Variants in BICD1 observed in about 807,000 individuals in gnomAD.
BICD1 encodes the protein protein bicaudal D homolog 1.
BICD1 carries 35 observed loss-of-function variants against 92.5 expected under a neutral mutation model. The ratio of observed to expected loss-of-function variants is 0.38; its 90% CI spans 0.29 to 0.50. The LOEUF is 0.50. Ranked by LOEUF, BICD1 falls within the 20% of genes least tolerant of loss-of-function variation. BICD1 has a pLI of 0.93. For synonymous variants in BICD1, 429 were observed against 465.1 expected (o/e 0.92, Z 1.00); for missense variants, 950 against 1,189.8 (o/e 0.80, Z 2.97).
chr12:32,325,097 T>C (rs1349431065), intron 4 of BICD1, among the ~76,000 whole-genome samples: 1 of 151,952 alleles, frequency 6.6e-6, no homozygotes, highest in African/African-American at 2.4e-5. Context: ...CCTCAGCCCC[T>C]GGAGTAGCTA....
chr12:32,117,509 T>C (rs1234019951), intron 1 of BICD1, among the ~76,000 whole-genome samples: 1 of 151,992 alleles, frequency 6.6e-6, no homozygotes, highest in Non-Finnish European at 1.5e-5. Context: ...ATGGGTAATA[T>C]AAAGCTTTAA....
intron 4 of BICD1, among the ~76,000 whole-genome samples, chr12:32,326,719 TAC>T (rs1487692707): frequency 2.6e-5 from 4 of 152,066 alleles, no homozygotes; most frequent in Non-Finnish European, 4.4e-5. Context: ...ACTCTGTCTC[TAC>T]ACACACACAA....
Position 32,377,621 on chromosome 12 carries a change from C to G in BICD1, c.2922C>G (p.His974Gln). 6.2e-7 allele frequency: 1 copy of G among 1,612,786 alleles called. No individual in the cohort carries two copies. Among genetic ancestry groups the G allele is most frequent in the Non-Finnish European group, 8.5e-7 (1 of 1,178,780 alleles). ...APLHCLSKPP[H>Q]P ...TCCACTGTCTCTCCAAGCCTCCTCA[C>G]CCCTAGTCTTCATCTCCTGTGGACG... Residue 974 changes from histidine (H) to glutamine (Q), a missense_variant, in exon 10 of 10, where the codon CAC (histidine) becomes CAG (glutamine). Around this residue, in one of 5 missense-constraint regions of BICD1, gnomAD observed 179 missense variants for 186.7 expected, o/e 0.96. Transcript: ENST00000652176.
At chr12:32,190,346 C>G (rs1944532586) in intron 1 of BICD1, among the ~76,000 whole-genome samples, 1 of 152,040 alleles carries the variant, frequency 6.6e-6, no homozygotes, top group Non-Finnish European at 1.5e-5. Context: ...TTCGTGTGTA[C>G]AAGAAATTCA....
At chr12:32,331,909 G>A (rs1937891159) in intron 5 of BICD1, among the ~76,000 whole-genome samples, 2 of 152,172 alleles carry the variant, frequency 1.3e-5, no homozygotes, top group South Asian at 4.1e-4. Context: ...AGTATTAACA[G>A]ATGACATTCA....
rs1224552857 is a variant in BICD1, at chr12:32,338,945, C to T, written c.2730C>T (p.Leu910=). ...GTGAATTCATCCAAGGGCACCGGCTCAGCAAGGAAAAAAGGTTAACCGTGG... is the reference window on the plus strand; with the variant it reads ...GTGAATTCATCCAAGGGCACCGGCTTAGCAAGGAAAAAAGGTTAACCGTGG... The part of the protein sequence containing the change: ...SMSEFIQGHR[L]SKEKRLTVAP... Residue 910 remains leucine (L), a synonymous_variant, in exon 8 of 10, where the codon CTC becomes CTT. Transcript: ENST00000652176. 5.0e-6 allele frequency: 8 copies of T among 1,603,316 alleles called. No homozygotes were observed. The highest frequency in any genetic ancestry group is 2.3e-5 in the South Asian group (2 of 88,886).
chr12:32,129,547 A>T (rs112317261), intron 1 of BICD1, among the ~76,000 whole-genome samples: 22 of 144,514 alleles, frequency 1.5e-4, no homozygotes, highest in African/African-American at 4.6e-4. Context: ...AAAAAAAAAA[A>T]TTCTGTAAAC....
In BICD1 at chr12:32,225,621, G is replaced by GTTTTTTTTTTTTTTTTTTTT. The variant is rs58895470; in HGVS notation, c.426+9163_426+9182dup. 3.8e-4 allele frequency among the ~76,000 whole-genome samples: 35 copies of GTTTTTTTTTTTTTTTTTTTT among 92,784 alleles called. 1 individual carries two copies. Among genetic ancestry groups the GTTTTTTTTTTTTTTTTTTTT allele is most frequent in the Non-Finnish European group, 4.5e-4 (21 of 46,880 alleles). 60.9% of individuals were successfully genotyped at this position (92,784 alleles called of 152,430 possible). A position where few individuals can be genotyped will look rare whatever the true frequency, so the allele number is the denominator to read the frequency against. ...TGGTATTTGACAGTTCTTTTTTTCT[G>GTTTTTTTTTTTTTTTTTTTT]TTTTTTTTTTTTTTTTTTTTAGACG... On this transcript the variant is annotated intron_variant, in intron 2 of 9. Transcript: ENST00000652176.
chr12:32,354,986 T>C (rs1002178747), intron 8 of BICD1, among the ~76,000 whole-genome samples: 1 of 152,224 alleles, frequency 6.6e-6, no homozygotes, highest in African/African-American at 2.4e-5. Flanking sequence ...AGAATGTATT[T>C]TGATGCTTCT....
intron 1 of BICD1, among the ~76,000 whole-genome samples, chr12:32,117,149 G>C (rs1019022822): frequency 6.6e-6 from 1 of 152,118 alleles, no homozygotes; most frequent in East Asian, 1.9e-4. Context: ...GTCTTCTTAG[G>C]AAGTAATGAA....
At chr12:32,217,245 T>C (rs1366695469) in intron 2 of BICD1, among the ~76,000 whole-genome samples, 3 of 152,222 alleles carry the variant, frequency 2.0e-5, no homozygotes, top group Admixed American at 6.5e-5. Flanking sequence ...AGACGTCCTC[T>C]AACTCCTACA....
chr12:32,143,140 A>T lies in BICD1; in HGVS notation c.213+35596A>T, dbSNP rs1942999184. Among the ~76,000 whole-genome samples the T allele has an allele frequency of 3.9e-5, 6 of 152,330 alleles. No homozygotes were observed. In the South Asian group the frequency reaches 1.2e-3, roughly 32 times the overall value. ...CTTTCTGAAAAACATCCTGTGGGAA[A>T]TATACCATATATACAGAAAAAGTGC... On this transcript the variant is annotated intron_variant, in intron 1 of 9. Coordinates refer to ENST00000652176, the MANE Select transcript of BICD1 (RefSeq NM_001714.4).
intron 8 of BICD1, chr12:32,354,256 CCTCT>C (rs1939008100): frequency 6.6e-6 from 1 of 152,064 alleles, no homozygotes; most frequent in African/African-American, 2.4e-5. Flanking sequence ...AAAAATGCTC[CCTCT>C]CTACTTAGCA....
chr12:32,141,977 C>T (rs1039639711), intron 1 of BICD1, among the ~76,000 whole-genome samples: 2 of 151,816 alleles, frequency 1.3e-5, no homozygotes, highest in African/African-American at 4.8e-5. Flanking sequence ...CTATTTTTTT[C>T]AAAAAGGTAT....
At chr12:32,339,555 C>G in intron 8 of BICD1, 1 of 985,430 alleles carries the variant, frequency 1.0e-6, no homozygotes, top group Non-Finnish European at 1.2e-6. Flanking sequence ...CATGTTCACA[C>G]TTAGCTTCAC....
At chr12:32,224,558 T>C (rs950857741) in intron 2 of BICD1, among the ~76,000 whole-genome samples, 1 of 152,268 alleles carries the variant, frequency 6.6e-6, no homozygotes, top group Non-Finnish European at 1.5e-5. Flanking sequence ...AAGCAAAGTC[T>C]TAACAAAATA....
At chr12:32,271,271 C>T (rs1326772568) in intron 2 of BICD1, among the ~76,000 whole-genome samples, 1 of 152,160 alleles carries the variant, frequency 6.6e-6, no homozygotes, top group African/African-American at 2.4e-5. Flanking sequence ...GTGCTTCCAG[C>T]CCTCTCCCCA....
At chr12:32,276,007 G>C (rs792860) in intron 2 of BICD1, among the ~76,000 whole-genome samples, 65,562 of 151,842 alleles carry the variant, frequency 0.43, 14,757 homozygotes, top group South Asian at 0.53. Flanking sequence ...TCTTGGAAGC[G>C]GCTTGCCACC....
chr12:32,200,225 C>G (rs907470576), intron 1 of BICD1, among the ~76,000 whole-genome samples: 1 of 152,158 alleles, frequency 6.6e-6, no homozygotes, highest in Non-Finnish European at 1.5e-5. Flanking sequence ...CTCCAGAAAC[C>G]AAGGAGGTTG....
Sources: gnomAD v4.1 joint callset for allele counts (sites outside exome capture counted in the v4.1 genomes callset) on GRCh38, gnomAD v4.1.1 for gene constraint, gnomAD v4.1.1 regional missense constraint, MANE v1.5 for transcripts, NCBI Gene and HGNC (gene_info 2026-07-23, HGNC 2026-07-21) for gene names.